The following STAB2 variants were observed in gnomAD, a reference collection of about 807,000 sequenced individuals.
STAB2 encodes the protein stabilin-2.
In STAB2, 288 loss-of-function variants were observed where a neutral mutation model predicts 338.1. The ratio of observed to expected loss-of-function variants is 0.85; its 90% CI spans 0.77 to 0.94. The LOEUF (loss-of-function observed/expected upper bound fraction) is 0.94, where lower values mean the gene tolerates loss of function less well. STAB2 is among the 40% of genes least tolerant of loss of function. The pLI is 0.00. For synonymous variants in STAB2, 1,202 were observed against 1,193.3 expected (o/e 1.01, Z -0.15); for missense variants, 3,141 against 3,210.1 (o/e 0.98, Z 0.52).
rs529927900 is a variant in STAB2, at chr12:103,613,341, C to T, written c.332-7127C>T. Among the ~76,000 whole-genome samples, 5 of 152,312 alleles carry T rather than the reference C, an allele frequency of 3.3e-5. No homozygotes were observed. In the South Asian group the frequency reaches 6.2e-4, roughly 19 times the overall value. Reference sequence around the variant, plus strand: ...GAGCTGCAGTGGGCTCCACCCAGTTCGAGCTTCCCGGCCACTTTGTTTACC... The same window carrying T: ...GAGCTGCAGTGGGCTCCACCCAGTTTGAGCTTCCCGGCCACTTTGTTTACC... On this transcript the variant is annotated intron_variant, in intron 3 of 68. Transcript: ENST00000388887.
At chr12:103,675,757 A>G (rs913769513) in intron 23 of STAB2, among the ~76,000 whole-genome samples, 171 bp from the exon 24 acceptor site, 6 of 152,196 alleles carry the variant, frequency 3.9e-5, no homozygotes, top group Non-Finnish European at 7.3e-5. Context: ...ACCCAGGTGT[A>G]TCTGATTACA....
chr12:103,713,570 A>G, intron 41 of STAB2, 73 bp from the exon 42 acceptor site: 12 of 1,590,288 alleles, frequency 7.5e-6, no homozygotes, highest in East Asian at 2.3e-5. Context: ...CCATTTCTCA[A>G]TGACTTGAGG....
At chr12:103,722,940 A>G (rs933600610) in intron 44 of STAB2, among the ~76,000 whole-genome samples, 1 of 152,190 alleles carries the variant, frequency 6.6e-6, no homozygotes, top group African/African-American at 2.4e-5. Context: ...TATATTAGTC[A>G]GTGATGAACT....
chr12:103,637,049 T>C (rs1366205681), intron 6 of STAB2, 62 bp from the exon 7 acceptor site: 16 of 1,506,948 alleles, frequency 1.1e-5, no homozygotes, highest in Non-Finnish European at 1.2e-5. Flanking sequence ...ATACTGCAGT[T>C]TGGGGGTCTT....
intron 5 of STAB2, among the ~76,000 whole-genome samples, chr12:103,630,963 TG>T (rs1311076995): frequency 6.6e-6 from 1 of 152,240 alleles, no homozygotes; most frequent in Non-Finnish European, 1.5e-5. Flanking sequence ...CAGACAGGGC[TG>T]GCCATAGGAT....
At position 103,740,661 on chromosome 12, in the gene STAB2, C is replaced by G; in HGVS notation, c.5786C>G (p.Pro1929Arg). The G allele has an allele frequency of 6.2e-7, 1 of 1,612,156 alleles. No homozygotes were observed. Among genetic ancestry groups the G allele is most frequent in the East Asian group, 2.2e-5 (1 of 44,768 alleles). ...AAGCAGAAGTGTCTCTACAACCTGCCCTTCAAGAGGAACCTGGAAGGCTGC... is the reference window on the plus strand; with the variant it reads ...AAGCAGAAGTGTCTCTACAACCTGCGCTTCAAGAGGAACCTGGAAGGCTGC... ...GVKQKCLYNL[P>R]FKRNLEGCRE... The change falls in exon 55 of 69, where the codon CCC becomes CGC. Residue 1929 changes from proline to arginine, a missense_variant. Pro to Arg is a moderately radical substitution (Grantham distance 103). Coordinates refer to ENST00000388887, the MANE Select transcript of STAB2 (RefSeq NM_017564.10).
chr12:103,689,176 A>G (rs1877700771), intron 28 of STAB2, among the ~76,000 whole-genome samples: 2 of 152,116 alleles, frequency 1.3e-5, no homozygotes, highest in Admixed American at 1.3e-4. Flanking sequence ...TCCTTACTTC[A>G]AAGACGTCCA....
chr12:103,684,505 G>A (rs1877217843), intron 26 of STAB2, among the ~76,000 whole-genome samples: 1 of 152,176 alleles, frequency 6.6e-6, no homozygotes, highest in South Asian at 2.1e-4. Context: ...CTTGATTTAA[G>A]CCCAACCAAG....
intron 9 of STAB2, among the ~76,000 whole-genome samples, chr12:103,642,437 G>C (rs755754774): frequency 1.3e-5 from 2 of 151,832 alleles, no homozygotes; most frequent in Non-Finnish European, 2.9e-5. Context: ...CTCTTGGAAT[G>C]CTAGTGACAT....
At chr12:103,764,981 G>A (rs926098394) in intron 68 of STAB2, among the ~76,000 whole-genome samples, 11 of 151,366 alleles carry the variant, frequency 7.3e-5, no homozygotes, top group Admixed American at 2.0e-4. Context: ...CCAGCTACAC[G>A]GGAGGCTGAG....
chr12:103,589,547 G>A (rs906911713), intron 1 of STAB2, among the ~76,000 whole-genome samples: 4 of 152,154 alleles, frequency 2.6e-5, no homozygotes, highest in Admixed American at 1.3e-4. Context: ...CAGCATGTTG[G>A]CACAGCATAT....
chr12:103,637,431 T>C (rs1435275667), intron 7 of STAB2, among the ~76,000 whole-genome samples, 195 bp downstream of exon 7: 1 of 152,216 alleles, frequency 6.6e-6, no homozygotes, highest in Non-Finnish European at 1.5e-5. Flanking sequence ...TGAAAGCACA[T>C]ATAGAGATTT....
At chr12:103,699,946 C>G (rs148906414) in intron 34 of STAB2, among the ~76,000 whole-genome samples, 8 of 152,298 alleles carry the variant, frequency 5.3e-5, no homozygotes, top group South Asian at 4.1e-4. Flanking sequence ...CAACCTAATT[C>G]CCAGGAAGTG....
At chr12:103,707,014 T>G in intron 38 of STAB2, 27 bp downstream of exon 38, 1 of 1,608,798 alleles carries the variant, frequency 6.2e-7, no homozygotes, top group Non-Finnish European at 8.5e-7. Context: ...CCACAGAGGA[T>G]CTTGGGCTGC....
chr12:103,685,360 C>T (rs1877300654), intron 27 of STAB2, among the ~76,000 whole-genome samples: 1 of 152,018 alleles, frequency 6.6e-6, no homozygotes, highest in African/African-American at 2.4e-5. Flanking sequence ...TAAAGAGCAA[C>T]TAACTGGCCT....
chr12:103,721,453 C>T (rs1039016595), intron 44 of STAB2, among the ~76,000 whole-genome samples: 1 of 152,166 alleles, frequency 6.6e-6, no homozygotes, highest in Non-Finnish European at 1.5e-5. Flanking sequence ...TCACCTTACC[C>T]CATGTAGGCT....
At chr12:103,766,218 A>G (rs766937790) in intron 68 of STAB2, 68 bp from the exon 69 acceptor site, 12 of 1,599,480 alleles carry the variant, frequency 7.5e-6, no homozygotes, top group Non-Finnish European at 4.3e-6. Context: ...ACCAGTGGCC[A>G]CCAGAAAGAT....
intron 65 of STAB2, among the ~76,000 whole-genome samples, chr12:103,760,782 A>G (rs1046042959): frequency 2.0e-5 from 3 of 152,192 alleles, no homozygotes; most frequent in Non-Finnish European, 4.4e-5. Flanking sequence ...TCTATTTAAG[A>G]GCAGTTTAGA....
Position 103,763,514 on chromosome 12 carries a change from C to T in STAB2, c.7511C>T (p.Ala2504Val). The stretch of plus-strand genomic sequence containing the variant: ...CAGTCGGAAGAGGACATTAATGTTG[C>T]AGCTCTTGGCAAGCAGCAGCCTGAG... ...HFESEEDINV[A>V]ALGKQQPENI... Residue 2504 changes from alanine to valine, a missense_variant, in exon 68 of 69, where the codon GCA (alanine) becomes GTA (valine). By Grantham distance (64) the Ala-to-Val change is moderately conservative. Coordinates refer to ENST00000388887, the MANE Select transcript of STAB2 (RefSeq NM_017564.10). 2 of 1,614,084 alleles carry T rather than the reference C, an allele frequency of 1.2e-6. No individual in the cohort carries two copies. The highest frequency in any genetic ancestry group is 1.7e-4 in the Middle Eastern group (1 of 6,060).
Sources: allele counts gnomAD v4.1 joint callset (sites outside exome capture counted in the v4.1 genomes callset), GRCh38; gene constraint gnomAD v4.1.1; transcripts MANE v1.5; gene names NCBI Gene and HGNC (gene_info 2026-07-23, HGNC 2026-07-21).